FOXO1: variants seen among roughly 807,000 people sequenced by gnomAD.
FOXO1 encodes the protein forkhead box O1.
Under a neutral mutation model 44.1 loss-of-function variants are expected in FOXO1, and 6 were observed. The observed-to-expected ratio is 0.14, with a 90% CI of 0.07 to 0.27. The LOEUF (loss-of-function observed/expected upper bound fraction) is 0.27. Among genes scored for constraint, FOXO1 ranks in the 10% least tolerant of loss-of-function variants. The pLI, the probability that FOXO1 is intolerant of heterozygous loss-of-function variation, is 1.00. For synonymous variants in FOXO1, 380 were observed against 362.7 expected (o/e 1.05, Z -0.54); for missense variants, 737 against 888.8 (o/e 0.83, Z 2.17).
chr13:40,594,153 A>ACAATTT (rs1251660292), intron 1 of FOXO1, among the ~76,000 whole-genome samples: 1 of 152,176 alleles, frequency 6.6e-6, no homozygotes, highest in African/African-American at 2.4e-5. Context: ...AGATAAACTC[A>ACAATTT]CAATTTCACC....
intron 1 of FOXO1, among the ~76,000 whole-genome samples, chr13:40,647,735 C>A (rs1877556603): frequency 6.6e-6 from 1 of 152,096 alleles, no homozygotes; most frequent in Admixed American, 6.6e-5. Flanking sequence ...ATGGCCCAGC[C>A]CAAAGAACCT....
Position 40,658,227 on chromosome 13 carries a change from A to C in FOXO1, c.630+7356T>G, listed in dbSNP as rs376716684. On this transcript the variant is annotated intron_variant, in intron 1 of 2. Coordinates refer to ENST00000379561, the MANE Select transcript of FOXO1 (RefSeq NM_002015.4). ...AGATGATCTAAGCTCTGGGGACAGG[A>C]GCGTCTAGGCCTGAAATACTAAAAG... 9.8e-5 allele frequency among the ~76,000 whole-genome samples: 15 copies of C among 152,322 alleles called. No homozygotes were observed. In the East Asian group the frequency reaches 2.9e-3, roughly 29 times the overall value.
chr13:40,603,670 T>A lies in FOXO1; in HGVS notation c.631-42810A>T, dbSNP rs1875892814. On this transcript the variant is annotated intron_variant, in intron 1 of 2. Transcript: ENST00000379561. Reference sequence around the variant, plus strand: ...TGTAAGAGGAATCCAACTGAACCCCTTTCATATCAATCCAACTACAGAGTT... The same window carrying A: ...TGTAAGAGGAATCCAACTGAACCCCATTCATATCAATCCAACTACAGAGTT... Among the ~76,000 whole-genome samples the A allele has an allele frequency of 2.6e-5, 4 of 152,186 alleles. No individual in the cohort carries two copies. The South Asian group carries it at 8.3e-4, about 32-fold the overall frequency.
intron 1 of FOXO1, among the ~76,000 whole-genome samples, chr13:40,640,799 T>TGTTGTTGTTG (rs11398696): frequency 0.011 from 1,043 of 96,082 alleles, 11 homozygotes; most frequent in African/African-American, 0.029. Flanking sequence ...TTGTTGTTGT[T>TGTTGTTGTTG]TGAGACAGAG....
chr13:40,600,320 T>C (rs765015248), intron 1 of FOXO1, among the ~76,000 whole-genome samples: 4 of 152,134 alleles, frequency 2.6e-5, no homozygotes, highest in Admixed American at 6.5e-5. Flanking sequence ...AAACCATCTG[T>C]GTGTGTGTCA....
rs768433269 is a variant in FOXO1 at position 40,559,544 on chromosome 13, T to C, written c.1947A>G (p.Thr649=). The change falls in exon 2 of 3, where the codon ACA becomes ACG. Residue 649 remains threonine (T), a synonymous_variant. Coordinates refer to ENST00000379561, the MANE Select transcript of FOXO1 (RefSeq NM_002015.4). ...QSFPHSVKTT[T]HSWVSG The stretch of plus-strand genomic sequence containing the variant: ...ACCCTCAGCCTGACACCCAGCTATG[T>C]GTCGTTGTCTTGACACTGTGTGGGA... 10 of 1,602,972 alleles carry C rather than the reference T, an allele frequency of 6.2e-6. No individual in the cohort carries two copies. The highest frequency in any genetic ancestry group is 4.5e-5 in the South Asian group (4 of 89,296).
chr13:40,632,420 T>C (rs1486676444), intron 1 of FOXO1, among the ~76,000 whole-genome samples: 1 of 152,034 alleles, frequency 6.6e-6, no homozygotes, highest in Non-Finnish European at 1.5e-5. Flanking sequence ...AAGGGACCAC[T>C]TGAGCCCCGG....
intron 1 of FOXO1, among the ~76,000 whole-genome samples, chr13:40,589,093 G>A (rs563822663): frequency 4.6e-5 from 7 of 152,068 alleles, no homozygotes; most frequent in East Asian, 1.9e-4. Context: ...GCGACAGAGC[G>A]AGACTCTGTC....
At chr13:40,615,552 CAT>C (rs1593401279) in intron 1 of FOXO1, among the ~76,000 whole-genome samples, 1 of 151,646 alleles carries the variant, frequency 6.6e-6, no homozygotes, top group Non-Finnish European at 1.5e-5. Flanking sequence ...TACATACATA[CAT>C]ACATACATAC....
At chr13:40,636,341 T>C (rs769995642) in intron 1 of FOXO1, among the ~76,000 whole-genome samples, 1 of 152,082 alleles carries the variant, frequency 6.6e-6, no homozygotes, top group Non-Finnish European at 1.5e-5. Flanking sequence ...CTGTAAAATG[T>C]TGATGATACT....
chr13:40,565,386 A>C (rs1874227795), intron 1 of FOXO1, among the ~76,000 whole-genome samples: 2 of 152,166 alleles, frequency 1.3e-5, no homozygotes, highest in South Asian at 4.1e-4. Flanking sequence ...TTCTCTCCAA[A>C]GGCTGCCACC....
chr13:40,663,346 T>A (rs995275163), intron 1 of FOXO1, among the ~76,000 whole-genome samples: 1 of 152,272 alleles, frequency 6.6e-6, no homozygotes, highest in African/African-American at 2.4e-5. Context: ...AGCATATTCC[T>A]AGTTTAAGAC....
intron 1 of FOXO1, among the ~76,000 whole-genome samples, chr13:40,652,767 T>C (rs937711129): frequency 2.6e-5 from 4 of 152,210 alleles, no homozygotes; most frequent in African/African-American, 7.2e-5. Context: ...CTAAACCATA[T>C]GCAAACCATT....
chr13:40,619,962 T>C (rs1876554229), intron 1 of FOXO1: 3 of 679,084 alleles, frequency 4.4e-6, no homozygotes, highest in Non-Finnish European at 8.1e-6. Context: ...CTACTATAAG[T>C]AGCCGAAGCT....
rs1277258753 is a variant in FOXO1, at chr13:40,556,355, A to G, written c.*2694T>C. On this transcript the variant is annotated 3_prime_UTR_variant, in exon 3 of 3. Coordinates refer to ENST00000379561, the MANE Select transcript of FOXO1 (RefSeq NM_002015.4). ...TCCAAGTAATACATCTATTACCTAAATATATTCCATACGTCTATATTACGG... is the reference window on the plus strand; with the variant it reads ...TCCAAGTAATACATCTATTACCTAAGTATATTCCATACGTCTATATTACGG... The G allele has an allele frequency of 6.5e-6, 1 of 152,686 alleles. No individual in the cohort carries two copies. Among genetic ancestry groups the G allele is most frequent in the Non-Finnish European group, 1.5e-5 (1 of 68,058 alleles). The allele number at this position is 152,686 out of a possible 1,614,324, so 9.5% of individuals were successfully genotyped here.
intron 1 of FOXO1, among the ~76,000 whole-genome samples, chr13:40,599,151 T>A (rs1190528133): frequency 2.0e-5 from 3 of 146,454 alleles, no homozygotes; most frequent in African/African-American, 7.6e-5. Context: ...AACAAGTATA[T>A]CCACATTAAA....
In FOXO1 at chr13:40,635,712, G is replaced by C. The variant is rs117873544; in HGVS notation, c.630+29871C>G. Among the ~76,000 whole-genome samples the C allele has an allele frequency of 5.3e-5, 8 of 152,358 alleles. No homozygotes were observed. In the East Asian group the frequency reaches 1.5e-3, roughly 29 times the overall value. ...ACTGCCCTCTACAGTCAATAAGGCT[G>C]ATGCCTTGTGCAGGAAAGGCCTCTG... On this transcript the variant is annotated intron_variant, in intron 1 of 2. Transcript: ENST00000379561.
At chr13:40,653,365 G>T (rs1877748019) in intron 1 of FOXO1, among the ~76,000 whole-genome samples, 1 of 152,124 alleles carries the variant, frequency 6.6e-6, no homozygotes, top group Admixed American at 6.5e-5. Flanking sequence ...CTGTGCTGGG[G>T]ATTCCTCACT....
chr13:40,619,427 G>C, intron 1 of FOXO1: 1 of 1,047,990 alleles, frequency 9.5e-7, no homozygotes, highest in South Asian at 1.3e-5. Context: ...ACTCAAAGTG[G>C]ACAAAATGGG....
Sources: gnomAD v4.1 joint callset for allele counts (sites outside exome capture counted in the v4.1 genomes callset) on GRCh38, gnomAD v4.1.1 for gene constraint, MANE v1.5 for transcripts, NCBI Gene and HGNC (gene_info 2026-07-23, HGNC 2026-07-21) for gene names.